The following CCNY variants were observed in gnomAD, a reference collection of about 807,000 sequenced individuals.
The protein encoded by CCNY is cyclin Y, also known as cyclin-Y.
Under a neutral mutation model 42.8 loss-of-function variants are expected in CCNY, and 19 were observed. The ratio of observed to expected loss-of-function variants is 0.44; its 90% CI spans 0.31 to 0.65. CCNY has a LOEUF of 0.65. Among genes scored for constraint, CCNY ranks in the 30% least tolerant of loss-of-function variants. The probability of loss-of-function intolerance (pLI) is 0.07; values close to 1 mark genes in which losing one functional copy is unlikely to be tolerated. For missense variants in CCNY, 370 were observed against 437.3 expected (o/e 0.85, Z 1.37); for synonymous variants, 165 against 162.7 (o/e 1.01, Z -0.11).
chr10:35,301,780 G>A (rs1456197317), intron 3 of CCNY, among the ~76,000 whole-genome samples: 1 of 151,632 alleles, frequency 6.6e-6, no homozygotes, highest in East Asian at 1.9e-4. Flanking sequence ...GTCTACAGGT[G>A]CATGCCACCA....
chr10:35,388,693 TA>T (rs1837346976), intron 1 of CCNY, among the ~76,000 whole-genome samples: 1 of 152,368 alleles, frequency 6.6e-6, no homozygotes, highest in African/African-American at 2.4e-5. Context: ...AACAAATTGC[TA>T]TGCACTTTCT....
At chr10:35,278,383 T>TGC (rs1835262750) in intron 3 of CCNY, among the ~76,000 whole-genome samples, 2 of 151,788 alleles carry the variant, frequency 1.3e-5, no homozygotes, top group Non-Finnish European at 2.9e-5. Flanking sequence ...GTCCCTGAAC[T>TGC]GCTGCAGCAC....
At position 35,410,504 on chromosome 10, in the gene CCNY, C is replaced by T. The variant is rs143902016; in HGVS notation, c.155-72900C>T. On this transcript the variant is annotated intron_variant, in intron 1 of 9. Transcript: ENST00000374704. ...TGTTAACAATGGGAAAAAAATGTCA[C>T]AAAGTAAGGCAAATAGGGTCCTAAT... Among the ~76,000 whole-genome samples the T allele has an allele frequency of 1.0e-3, 158 of 152,078 alleles. 1 individual carries two copies. The highest frequency in any genetic ancestry group is 3.6e-3 in the African/African-American group (150 of 41,460).
At chr10:35,358,846 AT>A (rs1836618526) in intron 1 of CCNY, among the ~76,000 whole-genome samples, 1 of 152,214 alleles carries the variant, frequency 6.6e-6, no homozygotes, top group Admixed American at 6.5e-5. Context: ...AAGTGGGTTT[AT>A]GTTCTGGACC....
chr10:35,373,053 A>C (rs1265967066), intron 1 of CCNY, among the ~76,000 whole-genome samples: 2 of 152,212 alleles, frequency 1.3e-5, no homozygotes, highest in African/African-American at 2.4e-5. Context: ...GTAAACTGAA[A>C]GGATTTTAAA....
At chr10:35,519,106 CTG>C (rs1301685176) in intron 4 of CCNY, among the ~76,000 whole-genome samples, 9 of 151,072 alleles carry the variant, frequency 6.0e-5, no homozygotes, top group Admixed American at 2.0e-4. Flanking sequence ...CTGAGGTATG[CTG>C]TGAGTATCTG....
chr10:35,263,952 G>A (rs923081626), intron 3 of CCNY, among the ~76,000 whole-genome samples: 9 of 152,186 alleles, frequency 5.9e-5, no homozygotes, highest in East Asian at 3.8e-4. Context: ...CTGATGCTAC[G>A]TTAGTTTGCT....
chr10:35,560,193 T>G (rs1214073830), intron 8 of CCNY, among the ~76,000 whole-genome samples: 1 of 152,106 alleles, frequency 6.6e-6, no homozygotes, highest in Non-Finnish European at 1.5e-5. Context: ...GGGAATGCAT[T>G]AGGACTTTGG....
At chr10:35,373,765 A>T (rs1448926869) in intron 1 of CCNY, among the ~76,000 whole-genome samples, 1 of 152,356 alleles carries the variant, frequency 6.6e-6, no homozygotes, top group Non-Finnish European at 1.5e-5. Flanking sequence ...GTATATACAT[A>T]TACAAAATAT....
chr10:35,491,339 C>T lies in CCNY; in HGVS notation c.229+7861C>T, dbSNP rs141413978. Among the ~76,000 whole-genome samples, 536 of 152,338 alleles carry T rather than the reference C, an allele frequency of 3.5e-3. 3 individuals are homozygous for T. The highest frequency in any genetic ancestry group is 0.012 in the African/African-American group (519 of 41,582). ...CTGAAGCAGTAGGGTGAGTCCCAGG[C>T]ACACAGCGAGCCCTCAGCAATGTCT... On this transcript the variant is annotated intron_variant, in intron 2 of 9. Transcript: ENST00000374704.
At chr10:35,337,274 G>T (rs1329949369) in intron 1 of CCNY, 67 bp downstream of exon 1, 4 of 1,380,290 alleles carry the variant, frequency 2.9e-6, no homozygotes, top group Non-Finnish European at 3.8e-6. Context: ...ACGTCGGGGC[G>T]GCCCGGCTGC....
chr10:35,458,635 G>A (rs947875416), intron 1 of CCNY, among the ~76,000 whole-genome samples: 1 of 152,238 alleles, frequency 6.6e-6, no homozygotes, highest in African/African-American at 2.4e-5. Flanking sequence ...GGAAGAGACA[G>A]ATGACAAGCA....
intron 1 of CCNY, among the ~76,000 whole-genome samples, chr10:35,439,245 G>A (rs1420227301): frequency 6.6e-6 from 1 of 152,078 alleles, no homozygotes; most frequent in South Asian, 2.1e-4. Flanking sequence ...GAGAATGTTA[G>A]TTCTTTTTTC....
chr10:35,310,996 A>G (rs1255544815), intron 3 of CCNY, among the ~76,000 whole-genome samples: 1 of 151,866 alleles, frequency 6.6e-6, no homozygotes, highest in Non-Finnish European at 1.5e-5. Flanking sequence ...ACAAAACAAA[A>G]CAAAACAAAA....
At chr10:35,474,575 C>G (rs1839464264) in intron 1 of CCNY, among the ~76,000 whole-genome samples, 1 of 152,126 alleles carries the variant, frequency 6.6e-6, no homozygotes, top group South Asian at 2.1e-4. Context: ...AACAGACCTG[C>G]AGCTGAGGGT....
intron 1 of CCNY, among the ~76,000 whole-genome samples, chr10:35,378,506 C>A (rs2474529): frequency 1.4e-4 from 21 of 151,536 alleles, no homozygotes; most frequent in African/African-American, 4.9e-4. Context: ...AAGAGGTTAC[C>A]GGAGCCCTCG....
Position 35,430,898 on chromosome 10 carries a change from C to T in CCNY, c.155-52506C>T, listed in dbSNP as rs114862307. Among the ~76,000 whole-genome samples the T allele has an allele frequency of 6.8e-3, 1,031 of 152,136 alleles. 11 individuals carry two copies. The highest frequency in any genetic ancestry group is 0.024 in the African/African-American group (985 of 41,506). On this transcript the variant is annotated intron_variant, in intron 1 of 9. Coordinates refer to ENST00000374704, the MANE Select transcript of CCNY (RefSeq NM_145012.6). ...GGCCGATCACGATCCGCGGGTGGAT[C>T]ACAAGGTCAAGAGATCGAGACCATC...
intron 2 of CCNY, among the ~76,000 whole-genome samples, chr10:35,498,953 A>C (rs1040314648): frequency 1.3e-5 from 2 of 152,220 alleles, no homozygotes; most frequent in Admixed American, 1.3e-4. Flanking sequence ...CAGATAGCTT[A>C]TCCTCAGGTG....
At chr10:35,560,045 G>A (rs1656423654) in intron 8 of CCNY, among the ~76,000 whole-genome samples, 1 of 152,222 alleles carries the variant, frequency 6.6e-6, no homozygotes, top group African/African-American at 2.4e-5. Context: ...CTATGCCTGT[G>A]CCACCATTGT....
Sources: gnomAD v4.1 joint callset for allele counts (sites outside exome capture counted in the v4.1 genomes callset) on GRCh38, gnomAD v4.1.1 for gene constraint, MANE v1.5 for transcripts, NCBI Gene and HGNC (gene_info 2026-07-23, HGNC 2026-07-21) for gene names.